Variants in MAGI1 observed in about 807,000 individuals in gnomAD.
MAGI1 encodes membrane associated guanylate kinase, WW and PDZ domain containing 1.
A neutral mutation model predicts 139.9 loss-of-function variants in MAGI1; 58 were observed. The ratio of observed to expected loss-of-function variants is 0.41; its 90% CI spans 0.34 to 0.52. MAGI1 has a LOEUF of 0.52. MAGI1 is among the 20% of genes least tolerant of loss of function. MAGI1 has a pLI of 0.12. For missense variants in MAGI1, 1,874 were observed against 1,901.6 expected, an observed-to-expected ratio of 0.99 and a Z score of 0.27; for synonymous variants, 812 against 737.9, an observed-to-expected ratio of 1.10 and a Z score of -1.63.
chr3:65,493,370 A>G, intron 3 of MAGI1, 142 bp downstream of exon 3: 1 of 877,282 alleles, frequency 1.1e-6, no homozygotes, highest in Non-Finnish European at 1.7e-6. Context: ...TTTGTCTATT[A>G]TTCGTCATAT....
At position 65,796,810 on chromosome 3, in the gene MAGI1, G is replaced by A. The variant is rs9872286; in HGVS notation, c.314-174722C>T. Among the ~76,000 whole-genome samples, 449 of 152,266 alleles carry A rather than the reference G, an allele frequency of 2.9e-3. 3 individuals are homozygous for A. Among genetic ancestry groups the A allele is most frequent in the African/African-American group, 1.0e-2 (415 of 41,538 alleles). Reference sequence around the variant, plus strand: ...CCTCTCAATTCTGTTGCTGTCATGGGAAAGCGGCCTTGTACTATACATGAC... The same window carrying A: ...CCTCTCAATTCTGTTGCTGTCATGGAAAAGCGGCCTTGTACTATACATGAC... On this transcript the variant is annotated intron_variant, in intron 1 of 22. Transcript: ENST00000402939.
At chr3:65,983,984 T>C (rs910668564) in intron 1 of MAGI1, among the ~76,000 whole-genome samples, 1 of 152,152 alleles carries the variant, frequency 6.6e-6, no homozygotes, top group Admixed American at 6.6e-5. Context: ...CAAATAGTAA[T>C]TGAGTGCCTT....
intron 1 of MAGI1, among the ~76,000 whole-genome samples, chr3:65,952,580 C>A (rs760650833): frequency 6.6e-6 from 1 of 152,022 alleles, no homozygotes; most frequent in East Asian, 1.9e-4. Flanking sequence ...TTTGGGAGGC[C>A]GAGGCGGGTG....
intron 1 of MAGI1, among the ~76,000 whole-genome samples, chr3:65,858,975 G>A (rs577891706): frequency 9.8e-5 from 15 of 152,286 alleles, no homozygotes; most frequent in South Asian, 2.1e-4. Context: ...AGGGAGGGAT[G>A]AGAAGAAGGA....
intron 1 of MAGI1, among the ~76,000 whole-genome samples, chr3:65,653,076 A>G (rs964253705): frequency 6.6e-6 from 1 of 152,184 alleles, no homozygotes; most frequent in Non-Finnish European, 1.5e-5. Context: ...GAGATGAGAA[A>G]ACTTGTATAC....
intron 2 of MAGI1, among the ~76,000 whole-genome samples, chr3:65,606,084 T>C (rs945880380): frequency 2.6e-5 from 4 of 152,232 alleles, no homozygotes; most frequent in African/African-American, 9.6e-5. Flanking sequence ...AGAGCCTCTC[T>C]TGGTGCTTTT....
At chr3:66,016,906 C>T (rs756741110) in intron 1 of MAGI1, among the ~76,000 whole-genome samples, 10 of 152,172 alleles carry the variant, frequency 6.6e-5, no homozygotes, top group African/African-American at 1.7e-4. Context: ...AGGGTAAACA[C>T]TGTACGATTT....
At chr3:65,979,360 T>C (rs2065448573) in intron 1 of MAGI1, among the ~76,000 whole-genome samples, 1 of 152,140 alleles carries the variant, frequency 6.6e-6, no homozygotes, top group Admixed American at 6.5e-5. Context: ...CGCAGTTAAA[T>C]TCCGTTTCCT....
rs115748072 is a variant in MAGI1 at position 65,681,572 on chromosome 3, T to A, written c.314-59484A>T. ...TCACACTGTTTAGAAACATTTTCCATAGAAGATAACCCCTGAAAACTTTCT... is the reference window on the plus strand; with the variant it reads ...TCACACTGTTTAGAAACATTTTCCAAAGAAGATAACCCCTGAAAACTTTCT... On this transcript the variant is annotated intron_variant, in intron 1 of 22. Coordinates refer to ENST00000402939, the MANE Select transcript of MAGI1 (RefSeq NM_001033057.2). Among the ~76,000 whole-genome samples, 337 of 152,348 alleles carry A rather than the reference T, an allele frequency of 2.2e-3. 1 individual carries two copies. The highest frequency in any genetic ancestry group is 7.9e-3 in the African/African-American group (328 of 41,580).
intron 3 of MAGI1, among the ~76,000 whole-genome samples, chr3:65,488,299 G>A (rs1037209844): frequency 7.9e-5 from 12 of 152,050 alleles, no homozygotes; most frequent in South Asian, 2.1e-4. Flanking sequence ...CTTCTGGAGC[G>A]CTGTGTAGTT....
chr3:65,920,560 TAAG>T (rs1385954078), intron 1 of MAGI1, among the ~76,000 whole-genome samples: 1 of 152,184 alleles, frequency 6.6e-6, no homozygotes, highest in Admixed American at 6.5e-5. Context: ...TTCTGGGACT[TAAG>T]AAATATTTTT....
chr3:65,445,056 C>T (rs1300775361), intron 7 of MAGI1, among the ~76,000 whole-genome samples: 3 of 152,180 alleles, frequency 2.0e-5, no homozygotes, highest in Non-Finnish European at 4.4e-5. Flanking sequence ...TTTAAGCAAA[C>T]ACTCTAAAGA....
At chr3:65,856,795 CT>C (rs1428138015) in intron 1 of MAGI1, among the ~76,000 whole-genome samples, 2 of 152,186 alleles carry the variant, frequency 1.3e-5, no homozygotes, top group Non-Finnish European at 2.9e-5. Context: ...ACAACGGTCT[CT>C]TGGCTCCAGC....
chr3:65,926,327 T>TTCTCTTTC lies in MAGI1; in HGVS notation c.313+111668_313+111669insGAAAGAGA, dbSNP rs1553731213. 1.7e-3 allele frequency among the ~76,000 whole-genome samples: 195 copies of TTCTCTTTC among 115,668 alleles called. 1 individual carries two copies. The East Asian group carries it at 0.037, about 22-fold the overall frequency. The allele number at this position is 115,668 out of a possible 152,430, so 75.9% of individuals were successfully genotyped here. ...GAAGATCCAAGACTGAAGTCTTCTT[T>TTCTCTTTC]TCTCTCTCTCTCTCTCTCTCTCTCT... On this transcript the variant is annotated intron_variant, in intron 1 of 22. Coordinates refer to ENST00000402939, the MANE Select transcript of MAGI1 (RefSeq NM_001033057.2).
At chr3:65,690,501 C>G (rs1247335098) in intron 1 of MAGI1, among the ~76,000 whole-genome samples, 3 of 152,076 alleles carry the variant, frequency 2.0e-5, no homozygotes, top group African/African-American at 7.2e-5. Flanking sequence ...CTTTGAGACA[C>G]AGTCTTGCTA....
intron 1 of MAGI1, among the ~76,000 whole-genome samples, chr3:65,756,136 C>G (rs995086573): frequency 1.3e-5 from 2 of 152,104 alleles, no homozygotes; most frequent in Non-Finnish European, 2.9e-5. Context: ...CAACTTAGTT[C>G]GCTCTGTAAT....
At chr3:65,944,116 AT>A (rs1340325478) in intron 1 of MAGI1, among the ~76,000 whole-genome samples, 1 of 152,222 alleles carries the variant, frequency 6.6e-6, no homozygotes, top group Non-Finnish European at 1.5e-5. Flanking sequence ...GTTCAACTCC[AT>A]TAAGCAGTTT....
intron 1 of MAGI1, among the ~76,000 whole-genome samples, chr3:65,796,145 G>T (rs1024965524): frequency 1.3e-5 from 2 of 152,098 alleles, no homozygotes; most frequent in Non-Finnish European, 2.9e-5. Flanking sequence ...GCTGGCACAG[G>T]CCGGGGTCCC....
At chr3:65,641,765 A>G (rs1159483446) in intron 1 of MAGI1, among the ~76,000 whole-genome samples, 1 of 152,232 alleles carries the variant, frequency 6.6e-6, no homozygotes, top group African/African-American at 2.4e-5. Context: ...AACTGAAATT[A>G]GCTGGGTAGA....
Sources: gnomAD v4.1 joint callset for allele counts (sites outside exome capture counted in the v4.1 genomes callset) on GRCh38, gnomAD v4.1.1 for gene constraint, MANE v1.5 for transcripts, NCBI Gene and HGNC (gene_info 2026-07-23, HGNC 2026-07-21) for gene names.